The following ITPKC variants were observed in gnomAD, a reference collection of about 807,000 sequenced individuals.
ITPKC encodes the protein IP3 3-kinase C.
In ITPKC, 33 loss-of-function variants were observed where a neutral mutation model predicts 67.1. That is an observed-to-expected ratio of 0.49 (90% CI 0.37 to 0.66). The LOEUF (loss-of-function observed/expected upper bound fraction) is 0.66. Ranked by LOEUF, ITPKC falls within the 30% of genes least tolerant of loss-of-function variation. The probability of loss-of-function intolerance (pLI) is 0.00; values close to 1 mark genes in which losing one functional copy is unlikely to be tolerated. For missense variants in ITPKC, 820 were observed against 892.1 expected, an observed-to-expected ratio of 0.92 and a Z score of 1.03; for synonymous variants, 341 against 359.8, an observed-to-expected ratio of 0.95 and a Z score of 0.59.
intron 6 of ITPKC, among the ~76,000 whole-genome samples, chr19:40,738,427 TCAA>T (rs534034440): frequency 8.8e-4 from 133 of 151,638 alleles, no homozygotes; most frequent in Non-Finnish European, 1.7e-3. Flanking sequence ...AGACTCTGTC[TCAA>T]CAACAACAAC....
At chr19:40,739,124 G>A (rs1568453548) in intron 6 of ITPKC, among the ~76,000 whole-genome samples, 1 of 152,180 alleles carries the variant, frequency 6.6e-6, no homozygotes, top group South Asian at 2.1e-4. Flanking sequence ...ATGAAACCAC[G>A]GACTGGGGAG....
At chr19:40,725,214 T>A in intron 1 of ITPKC, 126 bp from the exon 2 acceptor site, 2 of 651,542 alleles carry the variant, frequency 3.1e-6, no homozygotes, top group Non-Finnish European at 5.5e-6. Flanking sequence ...CTGGGAACAG[T>A]GATCCCAGGA....
Position 40,717,717 on chromosome 19 carries a change from C to A in ITPKC, c.582C>A (p.Asn194Lys), listed in dbSNP as rs1053634502. 1 of 1,613,802 alleles carries A rather than the reference C, an allele frequency of 6.2e-7. No individual in the cohort carries two copies. The highest frequency in any genetic ancestry group is 8.5e-7 in the Non-Finnish European group (1 of 1,179,960). Reference sequence around the variant, plus strand: ...AGAGGGTCAAGTCCTGGGCTGATAACCTCTGGACCCACCAGAACAGTTCCA... The same window carrying A: ...AGAGGGTCAAGTCCTGGGCTGATAAACTCTGGACCCACCAGAACAGTTCCA... ...QPERVKSWAD[N>K]LWTHQNSSSL... The change falls in exon 1 of 7, where the codon AAC becomes AAA. Residue 194 changes from asparagine to lysine, a missense_variant. By Grantham distance (94) the Asn-to-Lys change is moderately conservative. Transcript: ENST00000263370.
At chr19:40,727,044 A>G (rs2082249108) in intron 2 of ITPKC, among the ~76,000 whole-genome samples, 1 of 152,146 alleles carries the variant, frequency 6.6e-6, no homozygotes, top group African/African-American at 2.4e-5. Context: ...CCTGTCTCAA[A>G]AATAAATACG....
intron 5 of ITPKC, 112 bp from the exon 6 acceptor site, chr19:40,737,586 C>A: frequency 1.1e-6 from 1 of 921,344 alleles, no homozygotes; most frequent in South Asian, 1.4e-5. Flanking sequence ...CCTATTCCAT[C>A]CTGGCTAGAG....
At chr19:40,728,558 C>T (rs1308079808) in intron 2 of ITPKC, among the ~76,000 whole-genome samples, 45 of 152,174 alleles carry the variant, frequency 3.0e-4, no homozygotes, top group Admixed American at 2.9e-3. Context: ...AAAAGCAAAT[C>T]CACTCTGGAG....
At chr19:40,735,811 CAG>C (rs1871225629) in intron 4 of ITPKC, among the ~76,000 whole-genome samples, 1 of 152,200 alleles carries the variant, frequency 6.6e-6, no homozygotes, top group South Asian at 2.1e-4. Context: ...TGAAACATAA[CAG>C]ATAACATTAG....
chr19:40,723,467 ATC>A (rs936574566), intron 1 of ITPKC, among the ~76,000 whole-genome samples: 17 of 148,438 alleles, frequency 1.1e-4, no homozygotes, highest in African/African-American at 4.2e-4. Flanking sequence ...ATTACTTTGT[ATC>A]TCTCTCTTTT....
At chr19:40,723,574 G>A (rs1368686156) in intron 1 of ITPKC, among the ~76,000 whole-genome samples, 2 of 151,732 alleles carry the variant, frequency 1.3e-5, no homozygotes, top group African/African-American at 2.4e-5. Flanking sequence ...TTGGCTCACC[G>A]CAACCTCTGC....
intron 4 of ITPKC, among the ~76,000 whole-genome samples, chr19:40,735,445 A>AT (rs1344796198): frequency 6.6e-6 from 1 of 151,408 alleles, no homozygotes; most frequent in African/African-American, 2.4e-5. Flanking sequence ...AACTCAAGTG[A>AT]TCCCCCCACC....
At chr19:40,736,268 T>C (rs2082293908) in intron 4 of ITPKC, among the ~76,000 whole-genome samples, 2 of 151,082 alleles carry the variant, frequency 1.3e-5, no homozygotes, top group East Asian at 2.0e-4. Flanking sequence ...CCAGCCTGGG[T>C]GACAGAGTGA....
chr19:40,717,932 G>T lies in ITPKC; in HGVS notation c.797G>T (p.Gly266Val), dbSNP rs1312450401. Residue 266 changes from glycine (G) to valine (V), a missense_variant, in exon 1 of 7, where the codon GGT (glycine) becomes GTT (valine). Around this residue, in one of 2 missense-constraint regions of ITPKC, gnomAD observed 481 missense variants for 470.1 expected, o/e 1.02. Coordinates refer to ENST00000263370, the MANE Select transcript of ITPKC (RefSeq NM_025194.3). ...GCCAGGAAACAGCCTGGCACTGGTG[G>T]TTTCCAAATACAACAGGATACTGAT... ...EAARKQPGTG[G>V]FQIQQDTDGS... 6.2e-7 allele frequency: 1 copy of T among 1,614,180 alleles called. No individual in the cohort carries two copies. The highest frequency in any genetic ancestry group is 8.5e-7 in the Non-Finnish European group (1 of 1,180,034).
In ITPKC at chr19:40,739,602, G is replaced by T; in HGVS notation, c.*42G>T. ...CAGGTTAATTGGATGGCGCCAGTCT[G>T]GCTGGAGGAGCCCTGAGATGCCATG... On this transcript the variant is annotated 3_prime_UTR_variant, in exon 7 of 7. Coordinates refer to ENST00000263370, the MANE Select transcript of ITPKC (RefSeq NM_025194.3). 1 of 1,559,744 alleles carries T rather than the reference G, an allele frequency of 6.4e-7. No individual in the cohort carries two copies. Among genetic ancestry groups the T allele is most frequent in the Non-Finnish European group, 8.7e-7 (1 of 1,145,284 alleles).
rs534034440 is a variant in ITPKC at position 40,738,427 on chromosome 19, T to TCAACAA, written c.1848+677_1848+682dup. Among the ~76,000 whole-genome samples the TCAACAA allele has an allele frequency of 6.6e-5, 10 of 151,650 alleles. No homozygotes were observed. The South Asian group carries it at 1.3e-3, about 19-fold the overall frequency. ...CTGGGCAACAGAGTGAGACTCTGTC[T>TCAACAA]CAACAACAACAACAACAACAACAAA... On this transcript the variant is annotated intron_variant, in intron 6 of 6. Coordinates refer to ENST00000263370, the MANE Select transcript of ITPKC (RefSeq NM_025194.3).
At chr19:40,719,501 T>A (rs972462187) in intron 1 of ITPKC, among the ~76,000 whole-genome samples, 2 of 152,098 alleles carry the variant, frequency 1.3e-5, no homozygotes, top group Admixed American at 6.6e-5. Flanking sequence ...ATACTTTTTT[T>A]TTTTTTCTGA....
Position 40,718,041 on chromosome 19 carries a change from A to G in ITPKC, c.906A>G (p.Pro302=). 6.2e-7 allele frequency: 1 copy of G among 1,614,138 alleles called. No homozygotes were observed. ...TCTTGGGAGAGCCTGAGGATGGCCC[A>G]TTAGAGGAACCAGAGCCTGGAGAAT... is the stretch of plus-strand genomic sequence containing the variant. ...DCLLGEPEDG[P]LEEPEPGELL... is the part of the protein sequence containing the mutation. Residue 302 remains proline, a synonymous_variant, in exon 1 of 7, where the codon CCA becomes CCG. Transcript: ENST00000263370.
At chr19:40,735,585 C>T (rs570938728) in intron 4 of ITPKC, among the ~76,000 whole-genome samples, 1 of 152,192 alleles carries the variant, frequency 6.6e-6, no homozygotes, top group Admixed American at 6.5e-5. Flanking sequence ...CTCAGGGAAG[C>T]CCTCCCTGAT....
At chr19:40,734,214 T>A (rs1160174740) in intron 4 of ITPKC, among the ~76,000 whole-genome samples, 1 of 152,228 alleles carries the variant, frequency 6.6e-6, no homozygotes, top group Non-Finnish European at 1.5e-5. Flanking sequence ...TCTGTTTTTT[T>A]TTCCCCCACA....
intron 2 of ITPKC, 120 bp downstream of exon 2, chr19:40,725,559 G>C (rs1465294708): frequency 6.7e-6 from 5 of 746,370 alleles, no homozygotes; most frequent in Non-Finnish European, 9.7e-6. Context: ...CACCTTATGG[G>C]ACTGTTATGG....
Sources: allele counts gnomAD v4.1 joint callset (sites outside exome capture counted in the v4.1 genomes callset), GRCh38; gene constraint gnomAD v4.1.1; regional missense constraint gnomAD v4.1.1; transcripts MANE v1.5; gene names NCBI Gene and HGNC (gene_info 2026-07-23, HGNC 2026-07-21).